BABAM2: variants seen among roughly 807,000 people sequenced by gnomAD.
BABAM2 encodes the protein BRISC and BRCA1-A complex member 2.
A neutral mutation model predicts 54.7 loss-of-function variants in BABAM2; 31 were observed. That is an observed-to-expected ratio of 0.57 (90% CI 0.43 to 0.77). The LOEUF (loss-of-function observed/expected upper bound fraction) is 0.77, where lower values mean the gene tolerates loss of function less well. Ranked by LOEUF, BABAM2 falls within the 30% of genes least tolerant of loss-of-function variation. The pLI is 0.00. For synonymous variants in BABAM2, 167 were observed against 162.9 expected (o/e 1.03, Z -0.19); for missense variants, 364 against 455.8 (o/e 0.80, Z 1.83).
At chr2:28,122,267 G>A (rs192725179) in intron 6 of BABAM2, among the ~76,000 whole-genome samples, 1 of 152,104 alleles carries the variant, frequency 6.6e-6, no homozygotes, top group Admixed American at 6.5e-5. Flanking sequence ...TTGGTTACTC[G>A]AGGAATTACA....
intron 3 of BABAM2, among the ~76,000 whole-genome samples, chr2:27,973,235 C>G (rs1189659197): frequency 6.6e-6 from 1 of 152,054 alleles, no homozygotes; most frequent in East Asian, 1.9e-4. Flanking sequence ...ATTAAAAACT[C>G]AAAGATTAAC....
At chr2:28,328,198 A>G (rs549178731) in intron 11 of BABAM2, among the ~76,000 whole-genome samples, 9 of 152,162 alleles carry the variant, frequency 5.9e-5, no homozygotes, top group South Asian at 2.1e-4. Context: ...GTCAGAATTT[A>G]CAGTGGCGGT....
intron 7 of BABAM2, among the ~76,000 whole-genome samples, chr2:28,223,762 T>C (rs551994719): frequency 6.6e-6 from 1 of 152,258 alleles, no homozygotes; most frequent in Non-Finnish European, 1.5e-5. Flanking sequence ...TTCTGTATGG[T>C]TGAAACAGCA....
intron 7 of BABAM2, among the ~76,000 whole-genome samples, chr2:28,169,658 C>T (rs1462077469): frequency 6.6e-6 from 1 of 151,746 alleles, no homozygotes; most frequent in Non-Finnish European, 1.5e-5. Flanking sequence ...TAGGGCGTGC[C>T]TGTAGTCCCT....
intron 6 of BABAM2, among the ~76,000 whole-genome samples, chr2:28,116,790 G>T (rs533174267): frequency 6.6e-6 from 1 of 152,104 alleles, no homozygotes; most frequent in African/African-American, 2.4e-5. Context: ...GCACTTCCAC[G>T]TACATTTGCA....
chr2:28,201,125 G>A (rs532620322), intron 7 of BABAM2, among the ~76,000 whole-genome samples: 1 of 152,244 alleles, frequency 6.6e-6, no homozygotes, highest in East Asian at 1.9e-4. Context: ...TAATAACCAA[G>A]GATCCGTGTC....
chr2:28,221,532 T>A (rs1352144431), intron 7 of BABAM2, among the ~76,000 whole-genome samples: 1 of 152,226 alleles, frequency 6.6e-6, no homozygotes, highest in Non-Finnish European at 1.5e-5. Flanking sequence ...GCATTTTTCC[T>A]ATCCAATATA....
At chr2:28,011,833 A>AC (rs1674425315) in intron 4 of BABAM2, among the ~76,000 whole-genome samples, 1 of 151,416 alleles carries the variant, frequency 6.6e-6, no homozygotes, top group African/African-American at 2.4e-5. Flanking sequence ...AGACAGGAAA[A>AC]TGTTACTATC....
chr2:28,211,152 C>T (rs1022568189), intron 7 of BABAM2, among the ~76,000 whole-genome samples: 4 of 152,100 alleles, frequency 2.6e-5, no homozygotes, highest in African/African-American at 4.8e-5. Context: ...ATCCTGATTT[C>T]GCATTGGTTC....
chr2:28,331,512 G>C (rs1301771382), intron 11 of BABAM2, among the ~76,000 whole-genome samples: 4 of 152,186 alleles, frequency 2.6e-5, no homozygotes, highest in African/African-American at 9.6e-5. Context: ...CAAAGGACAT[G>C]AACAGACACT....
intron 4 of BABAM2, among the ~76,000 whole-genome samples, chr2:27,996,205 C>T (rs1268479287): frequency 2.0e-5 from 3 of 152,270 alleles, no homozygotes; most frequent in East Asian, 1.9e-4. Flanking sequence ...CTCCAGATAA[C>T]GCAGTCTTCT....
chr2:28,178,027 T>C (rs909117931), intron 7 of BABAM2, among the ~76,000 whole-genome samples: 3 of 152,114 alleles, frequency 2.0e-5, no homozygotes, highest in Non-Finnish European at 4.4e-5. Flanking sequence ...AAGGGAGAGA[T>C]AGACTCCAAT....
At chr2:28,024,667 G>A (rs993830892) in intron 4 of BABAM2, among the ~76,000 whole-genome samples, 1 of 152,012 alleles carries the variant, frequency 6.6e-6, no homozygotes, top group Non-Finnish European at 1.5e-5. Context: ...TCAGATTTGC[G>A]CATTTGGCAG....
At chr2:28,115,198 C>G (rs1668504419) in intron 6 of BABAM2, among the ~76,000 whole-genome samples, 1 of 150,198 alleles carries the variant, frequency 6.7e-6, no homozygotes. Flanking sequence ...CACACACACA[C>G]ACACACACAC....
At position 28,257,903 on chromosome 2, in the gene BABAM2, G is replaced by A. The variant is rs562286728; in HGVS notation, c.934+13041G>A. Among the ~76,000 whole-genome samples the A allele has an allele frequency of 1.3e-4, 20 of 151,792 alleles. No homozygotes were observed. In the East Asian group the frequency reaches 2.9e-3, roughly 22 times the overall value. On this transcript the variant is annotated intron_variant, in intron 10 of 11. Transcript: ENST00000379624. ...AAAAAAGAAAGAAAAGAAGCCGGGC[G>A]TGGTGGCTCACGCCTGCAATCCCAG...
At chr2:27,980,842 G>C (rs1385130970) in intron 3 of BABAM2, among the ~76,000 whole-genome samples, 1 of 151,936 alleles carries the variant, frequency 6.6e-6, no homozygotes, top group Non-Finnish European at 1.5e-5. Context: ...CAGCACAATA[G>C]GGTGAGTATA....
chr2:28,005,835 T>A (rs1448086087), intron 4 of BABAM2, among the ~76,000 whole-genome samples: 1 of 152,154 alleles, frequency 6.6e-6, no homozygotes, highest in Admixed American at 6.5e-5. Context: ...TCCTATTCAC[T>A]TACTGCCTAG....
At chr2:28,265,162 C>T (rs1029565275) in intron 10 of BABAM2, among the ~76,000 whole-genome samples, 14 of 152,062 alleles carry the variant, frequency 9.2e-5, no homozygotes, top group Non-Finnish European at 1.6e-4. Context: ...TTAGGCCGGG[C>T]GCGGTGGCTC....
intron 7 of BABAM2, among the ~76,000 whole-genome samples, chr2:28,182,215 A>G (rs1281305921): frequency 6.6e-6 from 1 of 152,154 alleles, no homozygotes; most frequent in Non-Finnish European, 1.5e-5. Flanking sequence ...TGTCCCCAGG[A>G]ATCTCTCTAT....
Sources: gnomAD v4.1 joint callset for allele counts (sites outside exome capture counted in the v4.1 genomes callset) on GRCh38, gnomAD v4.1.1 for gene constraint, MANE v1.5 for transcripts, NCBI Gene and HGNC (gene_info 2026-07-23, HGNC 2026-07-21) for gene names.